The following LBP variants were observed in gnomAD, a reference collection of about 807,000 sequenced individuals.
The protein encoded by LBP is lipopolysaccharide binding protein.
A neutral mutation model predicts 56.6 loss-of-function variants in LBP; 53 were observed. That is an observed-to-expected ratio of 0.94 (90% confidence interval 0.75 to 1.18). The LOEUF is 1.18. Ranked by LOEUF, LBP falls within the 50% of genes most tolerant of loss-of-function variation. The pLI, the probability that LBP is intolerant of heterozygous loss-of-function variation, is 0.00. For synonymous variants in LBP, 227 were observed against 247.5 expected, an observed-to-expected ratio of 0.92 and a Z score of 0.78; for missense variants, 601 against 598.3, an observed-to-expected ratio of 1.00 and a Z score of -0.05.
At chr20:38,356,210 ACAAACACACACACCCCACACACACAC>A (rs2076838804) in intron 5 of LBP, among the ~76,000 whole-genome samples, 1 of 2,942 alleles carries the variant, frequency 3.4e-4, no homozygotes, top group South Asian at 8.8e-3. Flanking sequence ...CATACCCCAC[ACAAACACACACACCCCACACACACAC>A]CCTACACACA....
intron 14 of LBP, among the ~76,000 whole-genome samples, chr20:38,374,594 CAA>C (rs562385988): frequency 5.2e-4 from 45 of 86,128 alleles, no homozygotes; most frequent in Admixed American, 1.0e-3. Context: ...AACACTCCGT[CAA>C]AAAAAAAAAA....
In LBP at chr20:38,349,597, G is replaced by A. The variant is rs745550661; in HGVS notation, c.174G>A (p.Thr58=). 1.9e-6 allele frequency: 3 copies of A among 1,611,916 alleles called. No individual in the cohort carries two copies. The highest frequency in any genetic ancestry group is 1.7e-4 in the Middle Eastern group (1 of 6,056). The part of the protein sequence containing the change: ...LALQSELLRI[T]LPDFTGDLRI... ...TGCAGAGTGAGCTGCTCAGGATCAC[G>A]CTGCCTGACTTCACCGGGGACTTGA... The change falls in exon 2 of 15, where the codon ACG becomes ACA. Residue 58 remains threonine (T), a synonymous_variant. Transcript: ENST00000217407.
At chr20:38,375,461 A>C (rs1015572364) in intron 14 of LBP, among the ~76,000 whole-genome samples, 1 of 151,892 alleles carries the variant, frequency 6.6e-6, no homozygotes, top group Non-Finnish European at 1.5e-5. Context: ...CGCACCTGTA[A>C]TCCCAGCTAC....
intron 4 of LBP, among the ~76,000 whole-genome samples, 164 bp downstream of exon 4, chr20:38,354,603 G>A (rs565237770): frequency 6.6e-6 from 1 of 152,080 alleles, no homozygotes; most frequent in East Asian, 1.9e-4. Context: ...ACTTAAGCCA[G>A]GAATATTGGT....
chr20:38,355,458 A>G, intron 5 of LBP, 49 bp downstream of exon 5: 1 of 1,505,114 alleles, frequency 6.6e-7, no homozygotes, highest in Non-Finnish European at 9.2e-7. Context: ...CGAGGGCTGA[A>G]TGGAAGACCT....
chr20:38,370,885 G>GCCCCCCCTCCCACCA, intron 11 of LBP, 80 bp downstream of exon 11: 1 of 1,187,462 alleles, frequency 8.4e-7, no homozygotes, highest in Non-Finnish European at 1.3e-6. Context: ...GTAGCTGGTG[G>GCCCCCCCTCCCACCA]GAGGGGGGGC....
In LBP at chr20:38,350,794, C is replaced by T. The variant is rs772837612; in HGVS notation, c.240-17C>T. The T allele has an allele frequency of 4.4e-6, 7 of 1,595,440 alleles. No homozygotes were observed. In the Admixed American group the frequency reaches 6.7e-5, roughly 15 times the overall value. On this transcript the variant is annotated splice_polypyrimidine_tract_variant and intron_variant, in intron 2 of 14. Coordinates refer to ENST00000217407, the MANE Select transcript of LBP (RefSeq NM_004139.5). ...CAGGCCCAGGGCTGACACCTCCTTC[C>T]ATGTCTCTCCCTTCAGCCTGAACAT...
chr20:38,368,376 G>A (rs2076890063), intron 9 of LBP, among the ~76,000 whole-genome samples: 2 of 152,150 alleles, frequency 1.3e-5, no homozygotes, highest in Admixed American at 6.5e-5. Context: ...GAGGCGGGCA[G>A]ATCACCTGAG....
intron 1 of LBP, among the ~76,000 whole-genome samples, chr20:38,348,845 G>A (rs770296740): frequency 6.6e-6 from 1 of 151,818 alleles, no homozygotes; most frequent in Non-Finnish European, 1.5e-5. Context: ...CCAGGCTAGA[G>A]TGCGGTAGTG....
intron 5 of LBP, among the ~76,000 whole-genome samples, chr20:38,358,395 T>A (rs2076848609): frequency 6.6e-6 from 1 of 151,980 alleles, no homozygotes; most frequent in Non-Finnish European, 1.5e-5. Context: ...ATCCCATGCC[T>A]CCCCTGCCCA....
intron 1 of LBP, among the ~76,000 whole-genome samples, chr20:38,349,098 G>A (rs2076811455): frequency 6.6e-6 from 1 of 152,162 alleles, no homozygotes; most frequent in Non-Finnish European, 1.5e-5. Flanking sequence ...CCCAGCAAAT[G>A]TATTGTTGTC....
chr20:38,369,040 G>A lies in LBP; in HGVS notation c.1027G>A (p.Val343Met). 1 of 1,614,124 alleles carries A rather than the reference G, an allele frequency of 6.2e-7. No homozygotes were observed. The highest frequency in any genetic ancestry group is 8.5e-7 in the Non-Finnish European group (1 of 1,180,014). The stretch of plus-strand genomic sequence containing the variant: ...CATGAACCTGGAACTCCAGGGATCA[G>A]TGCCCTCTGCTCCGCTCCTGAACTT... ...PNMNLELQGS[V>M]PSAPLLNFSP... The change falls in exon 10 of 15, where the codon GTG (valine) becomes ATG (methionine). Residue 343 changes from valine to methionine, a missense_variant. Physicochemically the swap from Val to Met is conservative, Grantham distance 21. Transcript: ENST00000217407.
intron 8 of LBP, among the ~76,000 whole-genome samples, chr20:38,365,006 G>A (rs182092845): frequency 1.2e-4 from 18 of 152,226 alleles, no homozygotes; most frequent in African/African-American, 3.1e-4. Context: ...AGCCTGAGGC[G>A]GGCGGATCAC....
rs1435537423 is a variant in LBP at position 38,348,784 on chromosome 20, TTTA to T, written c.125-763_125-761del. 9.4e-3 allele frequency among the ~76,000 whole-genome samples: 1,276 copies of T among 135,326 alleles called. 16 individuals carry two copies. The highest frequency in any genetic ancestry group is 0.035 in the African/African-American group (1,193 of 34,024). The allele number at this position is 135,326 out of a possible 152,430, so 88.8% of individuals were successfully genotyped here. On this transcript the variant is annotated intron_variant, in intron 1 of 14. Coordinates refer to ENST00000217407, the MANE Select transcript of LBP (RefSeq NM_004139.5). ...TTTAGTTTAGTTTAGTTTAGTTTAGTTTAGTTTTGTTTTGTTTTGTTTTGTTTG... is the reference window on the plus strand; with the variant it reads ...TTTAGTTTAGTTTAGTTTAGTTTAGTGTTTTGTTTTGTTTTGTTTTGTTTG...
rs1214963380 is a variant in LBP, at chr20:38,373,939, A to G, written c.1327A>G (p.Lys443Glu). The change falls in exon 14 of 15, where the codon AAG becomes GAG. Residue 443 changes from lysine to glutamate, a missense_variant and splice_region_variant. Lys to Glu is a moderately conservative substitution (Grantham distance 56). Coordinates refer to ENST00000217407, the MANE Select transcript of LBP (RefSeq NM_004139.5). ...CAATGTTGTGCTTCAACCTCTAGATAAGTTGGCCGAAGGCTTCCCCCTTCC... is the reference window on the plus strand; with the variant it reads ...CAATGTTGTGCTTCAACCTCTAGATGAGTTGGCCGAAGGCTTCCCCCTTCC... The part of the protein sequence containing the change: ...LNTFYPKFND[K>E]LAEGFPLPLL... 9.3e-6 allele frequency: 15 copies of G among 1,613,834 alleles called. No individual in the cohort carries two copies. Among genetic ancestry groups the G allele is most frequent in the South Asian group, 2.2e-5 (2 of 91,082 alleles).
At chr20:38,371,145 C>T (rs2076899324) in intron 11 of LBP, 135 bp from the exon 12 acceptor site, 1 of 669,284 alleles carries the variant, frequency 1.5e-6, no homozygotes, top group Admixed American at 2.7e-5. Context: ...CCTCAGTCAT[C>T]TTTTCCACTC....
At position 38,364,057 on chromosome 20, in the gene LBP, G is replaced by A. The variant is rs1327020043; in HGVS notation, c.735G>A (p.Val245=). 1.2e-6 allele frequency: 2 copies of A among 1,612,670 alleles called. No homozygotes were observed. Among genetic ancestry groups the A allele is most frequent in the Non-Finnish European group, 1.7e-6 (2 of 1,178,738 alleles). The stretch of plus-strand genomic sequence containing the variant: ...GGGCAACAGCCCAGATGCTGGAGGT[G>A]ATGTTTAAGGTGAGGGTCCTGGGGC... ...APRATAQMLE[V]MFKGEIFHRN... is the part of the protein sequence containing the mutation. Residue 245 remains valine, a synonymous_variant, in exon 7 of 15, where the codon GTG becomes GTA. Coordinates refer to ENST00000217407, the MANE Select transcript of LBP (RefSeq NM_004139.5).
At position 38,346,707 on chromosome 20, in the gene LBP, G is replaced by A. The variant is rs545247184; in HGVS notation, c.124+67G>A. 6.1e-5 allele frequency: 97 copies of A among 1,598,470 alleles called. No homozygotes were observed. In the East Asian group the frequency reaches 2.0e-3, roughly 33 times the overall value. On this transcript the variant is annotated intron_variant, in intron 1 of 14. Coordinates refer to ENST00000217407, the MANE Select transcript of LBP (RefSeq NM_004139.5). ...CTCCAGGCTGCTCTGGGTACAGTGG[G>A]GACAGGGAGTGGGGACACAGACCGG...
chr20:38,360,212 A>C (rs542630005), intron 5 of LBP, among the ~76,000 whole-genome samples: 99 of 151,496 alleles, frequency 6.5e-4, no homozygotes, highest in Admixed American at 4.5e-3. Flanking sequence ...GTGAGCCGAG[A>C]TCGCAACACT....
Sources: gnomAD v4.1 joint callset for allele counts (sites outside exome capture counted in the v4.1 genomes callset) on GRCh38, gnomAD v4.1.1 for gene constraint, MANE v1.5 for transcripts, NCBI Gene and HGNC (gene_info 2026-07-23, HGNC 2026-07-21) for gene names.